SLC8A1: variants seen among roughly 807,000 people sequenced by gnomAD.
SLC8A1 encodes the protein solute carrier family 8 member A1, also known as sodium/calcium exchanger 1.
In SLC8A1, 18 loss-of-function variants were observed where a neutral mutation model predicts 68.3. The observed-to-expected ratio is 0.26, with a 90% CI of 0.18 to 0.39. The LOEUF (loss-of-function observed/expected upper bound fraction) is 0.39, where lower values mean the gene tolerates loss of function less well. Ranked by LOEUF, SLC8A1 falls within the 10% of genes least tolerant of loss-of-function variation. SLC8A1 has a pLI of 1.00. For synonymous variants in SLC8A1, 475 were observed against 415.5 expected (o/e 1.14, Z -1.74); for missense variants, 985 against 1,156.7 (o/e 0.85, Z 2.15).
At chr2:40,381,965 G>A (rs73926643) in intron 2 of SLC8A1, among the ~76,000 whole-genome samples, 288 of 152,010 alleles carry the variant, frequency 1.9e-3, no homozygotes, top group African/African-American at 6.7e-3. Context: ...CAGGAGGATG[G>A]ATTTGAGACT....
intron 2 of SLC8A1, among the ~76,000 whole-genome samples, chr2:40,256,581 T>C (rs2063956797): frequency 6.6e-6 from 1 of 152,232 alleles, no homozygotes; most frequent in Non-Finnish European, 1.5e-5. Context: ...ATTCGTTCCC[T>C]TTTGGACACA....
intron 2 of SLC8A1, chr2:40,255,320 G>GC (rs2063732625): frequency 6.6e-6 from 1 of 152,144 alleles, no homozygotes; most frequent in South Asian, 2.1e-4. Context: ...TGGAGATGCA[G>GC]CCCATGGCAG....
At chr2:40,249,538 G>C (rs1204286871) in intron 2 of SLC8A1, among the ~76,000 whole-genome samples, 1 of 152,194 alleles carries the variant, frequency 6.6e-6, no homozygotes, top group East Asian at 1.9e-4. Context: ...TGTCAAGGGA[G>C]AGGAGGTGTT....
Position 40,436,052 on chromosome 2 carries a change from G to C in SLC8A1, c.-24-5748C>G, listed in dbSNP as rs186363712. 7.2e-3 allele frequency among the ~76,000 whole-genome samples: 1,098 copies of C among 151,484 alleles called. 3 individuals carry two copies. Among genetic ancestry groups the C allele is most frequent in the Non-Finnish European group, 0.011 (733 of 67,904 alleles). ...CCCTAAGTGCTGGGATTACAGGCATGAACCACCACGTCTGGCCAGCTCTTA... is the reference window on the plus strand; with the variant it reads ...CCCTAAGTGCTGGGATTACAGGCATCAACCACCACGTCTGGCCAGCTCTTA... On this transcript the variant is annotated intron_variant, in intron 1 of 7. Transcript: ENST00000406785.
intron 6 of SLC8A1, 83 bp downstream of exon 9, chr2:40,160,682 G>T: frequency 1.7e-6 from 2 of 1,207,282 alleles, no homozygotes; most frequent in Non-Finnish European, 1.2e-6. Flanking sequence ...TTGGTGCTTT[G>T]CCATAGACCA....
At position 40,237,559 on chromosome 2, in the gene SLC8A1, C is replaced by T. The variant is rs561316547; in HGVS notation, c.1809-59704G>A. 2.5e-3 allele frequency among the ~76,000 whole-genome samples: 375 copies of T among 150,816 alleles called. 4 individuals carry two copies. The highest frequency in any genetic ancestry group is 8.2e-3 in the African/African-American group (339 of 41,124). The stretch of plus-strand genomic sequence containing the variant: ...TTTGCCTTTGGTTTGAATGTCCTCC[C>T]GTAGCTCAGAGTAATTTGATCGTCT... On this transcript the variant is annotated intron_variant, in intron 2 of 7. Coordinates refer to ENST00000406785, the Ensembl canonical transcript of SLC8A1.
exon 8 of SLC8A1, chr2:40,112,773 T>C (rs1386524177): frequency 6.6e-6 from 1 of 152,490 alleles, no homozygotes; most frequent in Non-Finnish European, 1.5e-5. Context: ...TACACTGGGC[T>C]TTCTCAGTGA....
chr2:40,387,088 G>A (rs1683805991), intron 2 of SLC8A1, among the ~76,000 whole-genome samples: 1 of 151,358 alleles, frequency 6.6e-6, no homozygotes, highest in Admixed American at 6.6e-5. Flanking sequence ...ATGATTCATT[G>A]GAAACAAGTA....
chr2:40,406,490 A>G (rs965441661), intron 2 of SLC8A1, among the ~76,000 whole-genome samples: 1 of 152,244 alleles, frequency 6.6e-6, no homozygotes, highest in Non-Finnish European at 1.5e-5. Context: ...TTATTGAGCT[A>G]TCAAAGTCTG....
At chr2:40,221,734 A>G (rs1300887659) in intron 2 of SLC8A1, among the ~76,000 whole-genome samples, 5 of 152,188 alleles carry the variant, frequency 3.3e-5, no homozygotes, top group Non-Finnish European at 2.9e-5. Flanking sequence ...GCAATAATAG[A>G]CAATCAGAGA....
intron 2 of SLC8A1, among the ~76,000 whole-genome samples, chr2:40,302,031 C>CTGTGTGTG (rs374407377): frequency 0.072 from 9,578 of 132,192 alleles, 416 homozygotes; most frequent in Middle Eastern, 0.12. Context: ...CCGGGCTAAT[C>CTGTGTGTG]TGTGTGTGTG....
intron 2 of SLC8A1, among the ~76,000 whole-genome samples, chr2:40,359,516 A>G (rs1217386842): frequency 6.6e-6 from 1 of 152,104 alleles, no homozygotes; most frequent in Non-Finnish European, 1.5e-5. Flanking sequence ...CTGGGTAGAA[A>G]AGAGATCAAA....
intron 2 of SLC8A1, among the ~76,000 whole-genome samples, chr2:40,252,901 GTA>G (rs2063054064): frequency 4.8e-5 from 1 of 20,838 alleles, no homozygotes; most frequent in Non-Finnish European, 2.0e-4. Flanking sequence ...AATTTTATAT[GTA>G]TGTATATGTG....
intron 2 of SLC8A1, among the ~76,000 whole-genome samples, chr2:40,420,994 A>G (rs1204978127): frequency 1.3e-5 from 2 of 152,188 alleles, no homozygotes; most frequent in African/African-American, 4.8e-5. Flanking sequence ...ATAGTTGCAA[A>G]GATTAAGTCA....
chr2:40,340,659 G>C (rs996998409), intron 2 of SLC8A1, among the ~76,000 whole-genome samples: 1 of 152,166 alleles, frequency 6.6e-6, no homozygotes, highest in African/African-American at 2.4e-5. Context: ...TTTTGATACA[G>C]AACTCTCTTA....
intron 2 of SLC8A1, among the ~76,000 whole-genome samples, chr2:40,327,828 G>C (rs2076007486): frequency 6.6e-6 from 1 of 152,070 alleles, no homozygotes; most frequent in Admixed American, 6.6e-5. Flanking sequence ...GATGGGATCA[G>C]TCATACCCCA....
intron 7 of SLC8A1, among the ~76,000 whole-genome samples, chr2:40,129,938 A>G (rs540284113): frequency 9.4e-4 from 143 of 152,238 alleles, no homozygotes; most frequent in African/African-American, 3.3e-3. Flanking sequence ...GCTCTGCAGG[A>G]CTTCAGATTG....
At chr2:40,453,364 G>A (rs942320372), upstream of SLC8A1, 9 of 152,192 alleles carry the variant, frequency 5.9e-5, no homozygotes, top group Non-Finnish European at 1.0e-4. Context: ...AGAGCACAAG[G>A]CAGAAAGTTA....
In SLC8A1 at chr2:40,165,044, G is replaced by A. The variant is rs2046320255; in HGVS notation, c.1931-60C>T. On this transcript the variant is annotated intron_variant, in intron 4 of 7. Transcript: ENST00000406785. ...GTTCTGTTTAATTTGGAAATCCCTG[G>A]ATCCTGCCATAAGAAAGCCAAGGAG... 5.0e-6 allele frequency: 8 copies of A among 1,602,766 alleles called. No homozygotes were observed. In the East Asian group the frequency reaches 1.6e-4, roughly 31 times the overall value.
Sources: allele counts gnomAD v4.1 joint callset (sites outside exome capture counted in the v4.1 genomes callset), GRCh38; gene constraint gnomAD v4.1.1; transcripts MANE v1.5; gene names NCBI Gene and HGNC (gene_info 2026-07-23, HGNC 2026-07-21).